NAIP: variants seen among roughly 807,000 people sequenced by gnomAD.
NAIP encodes the protein baculoviral IAP repeat-containing protein 1.
NAIP carries 15 observed loss-of-function variants against 23.0 expected under a neutral mutation model. That is an observed-to-expected ratio of 0.65 (90% CI 0.44 to 1.00). The LOEUF (loss-of-function observed/expected upper bound fraction) is 1.00, where lower values mean the gene tolerates loss of function less well. NAIP is among the 50% of genes least tolerant of loss of function. The pLI, the probability that NAIP is intolerant of heterozygous loss-of-function variation, is 0.00. For missense variants in NAIP, 265 were observed against 278.8 expected (o/e 0.95, Z 0.35); for synonymous variants, 100 against 100.2 (o/e 1.00, Z 0.01).
At chr5:71,013,919 A>T (rs893756475) in intron 3 of NAIP, among the ~76,000 whole-genome samples, 6 of 151,486 alleles carry the variant, frequency 4.0e-5, no homozygotes, top group African/African-American at 1.5e-4. Flanking sequence ...CATGTAAATT[A>T]GCTCCCCATT....
At chr5:70,979,584 A>AAAAATAAT (rs1331000647) in intron 13 of NAIP, among the ~76,000 whole-genome samples, 1 of 42,824 alleles carries the variant, frequency 2.3e-5, no homozygotes, top group African/African-American at 1.1e-4. Flanking sequence ...AAAAAAAAAA[A>AAAAATAAT]AATAATAATA....
intron 9 of NAIP, among the ~76,000 whole-genome samples, chr5:70,996,814 T>G (rs1157128786): frequency 8.9e-6 from 1 of 111,936 alleles, no homozygotes; most frequent in African/African-American, 3.2e-5. Context: ...AAAAAAAAAA[T>G]TAAGCAGATG....
intron 5 of NAIP, among the ~76,000 whole-genome samples, chr5:71,009,642 A>T (rs1293040279): frequency 6.6e-6 from 1 of 151,554 alleles, no homozygotes; most frequent in Non-Finnish European, 1.5e-5. Flanking sequence ...GTGAGCCAAG[A>T]TCGTACCACT....
Position 71,011,360 on chromosome 5 carries a change from C to T in NAIP, c.583G>A (p.Val195Ile). Residue 195 changes from valine to isoleucine, a missense_variant, in exon 5 of 17, where the codon GTA becomes ATA. By Grantham distance (29) the Val-to-Ile change is conservative. Transcript: ENST00000517649. Reference sequence around the variant, plus strand: ...CATCCACCACAGGAAAAACACTGTACCGTGTCCTGTTTACCTATATATGAA... The same window carrying T: ...CATCCACCACAGGAAAAACACTGTATCGTGTCCTGTTTACCTATATATGAA... Reference protein sequence around the residue: ...GFVFTGKQDTVQCFSCGGCLG... With the variant: ...GFVFTGKQDTIQCFSCGGCLG... 6.9e-6 allele frequency: 11 copies of T among 1,601,722 alleles called. 2 individuals carry two copies. Among genetic ancestry groups the T allele is most frequent in the Non-Finnish European group, 8.5e-6 (10 of 1,173,292 alleles).
intron 3 of NAIP, among the ~76,000 whole-genome samples, chr5:71,014,462 C>T (rs1751341624): frequency 6.6e-6 from 1 of 151,564 alleles, no homozygotes; most frequent in African/African-American, 2.4e-5. Context: ...CAAGTAATTT[C>T]TAAGAATTTT....
chr5:71,014,910 CA>C (rs576226671), intron 3 of NAIP, among the ~76,000 whole-genome samples: 2 of 150,862 alleles, frequency 1.3e-5, no homozygotes, highest in East Asian at 3.9e-4. Flanking sequence ...CTCAAACAAA[CA>C]AAAAAAAGAT....
At chr5:70,979,737 T>G in intron 13 of NAIP, 132 bp downstream of exon 13, 1 of 138,112 alleles carries the variant, frequency 7.2e-6, no homozygotes, top group Non-Finnish European at 1.4e-5. Flanking sequence ...GAAAGAGTGC[T>G]ATTCCTCACA....
chr5:71,015,606 C>CAA (rs1305859592), intron 3 of NAIP, among the ~76,000 whole-genome samples: 1 of 89,958 alleles, frequency 1.1e-5, no homozygotes, highest in Non-Finnish European at 2.4e-5. Context: ...ACTAAAAATA[C>CAA]AAAAAAAAAA....
chr5:70,970,682 G>T (rs2112855406), intron 16 of NAIP, among the ~76,000 whole-genome samples: 1 of 7,622 alleles, frequency 1.3e-4, no homozygotes, highest in Non-Finnish European at 2.6e-4. Context: ...TTTTTTTTGA[G>T]ATGGAGTCTC....
Position 71,011,336 on chromosome 5 carries a change from A to T in NAIP, c.607T>A (p.Cys203Ser), listed in dbSNP as rs754713428. 2 of 1,606,572 alleles carry T rather than the reference A, an allele frequency of 1.2e-6. No homozygotes were observed. The highest frequency in any genetic ancestry group is 1.7e-6 in the Non-Finnish European group (2 of 1,175,878). The stretch of plus-strand genomic sequence containing the variant: ...TCTCCTTCTTCCCAATTTCCTAAAC[A>T]TCCACCACAGGAAAAACACTGTACC... Reference protein sequence around the residue: ...DTVQCFSCGGCLGNWEEGDDP... With the variant: ...DTVQCFSCGGSLGNWEEGDDP... The change falls in exon 5 of 17, where the codon TGT becomes AGT. Residue 203 changes from cysteine to serine, a missense_variant. Physicochemically the swap from Cys to Ser is moderately radical, Grantham distance 112 (BLOSUM62 -1). This residue lies in a region of NAIP where 261 missense variants were observed against 259.2 expected (regional missense o/e 1.01). Transcript: ENST00000517649.
At chr5:71,017,846 CTTT>C (rs1173570781) in intron 3 of NAIP, among the ~76,000 whole-genome samples, 2 of 91,586 alleles carry the variant, frequency 2.2e-5, no homozygotes. Context: ...CAGCCCTTTC[CTTT>C]TTTTTTTTTT....
At chr5:71,015,249 CA>C (rs2112938096) in intron 3 of NAIP, among the ~76,000 whole-genome samples, 1 of 151,406 alleles carries the variant, frequency 6.6e-6, no homozygotes, top group South Asian at 2.1e-4. Context: ...TGTGTTGGCA[CA>C]TGCCTGTAGT....
rs776507670 is a variant in NAIP, at chr5:71,012,938, A to G, written c.-3-20T>C. The G allele has an allele frequency of 1.5e-5, 23 of 1,542,980 alleles. No individual in the cohort carries two copies. The highest frequency in any genetic ancestry group is 1.7e-4 in the Middle Eastern group (1 of 5,740). ...CATTTTCTGAAAAGGAAAATAAAGCAGGTTGATCCCTTATAGTAAGATTTT... is the reference window on the plus strand; with the variant it reads ...CATTTTCTGAAAAGGAAAATAAAGCGGGTTGATCCCTTATAGTAAGATTTT... On this transcript the variant is annotated intron_variant, in intron 3 of 16. Coordinates refer to ENST00000517649, the MANE Select transcript of NAIP (RefSeq NM_004536.3).
At chr5:71,002,381 A>C (rs1750830707) in intron 6 of NAIP, among the ~76,000 whole-genome samples, 1 of 52,094 alleles carries the variant, frequency 1.9e-5, no homozygotes, top group Non-Finnish European at 3.5e-5. Context: ...TTTAGTAGAG[A>C]CAGACACGAT....
At chr5:71,002,388 C>T (rs1410077064) in intron 6 of NAIP, among the ~76,000 whole-genome samples, 1 of 48,152 alleles carries the variant, frequency 2.1e-5, no homozygotes, top group Admixed American at 2.8e-4. Flanking sequence ...GAGACAGACA[C>T]GATGTTGGAG....
intron 3 of NAIP, among the ~76,000 whole-genome samples, chr5:71,014,655 C>A (rs1751350370): frequency 6.6e-6 from 1 of 151,610 alleles, no homozygotes; most frequent in Non-Finnish European, 1.5e-5. Flanking sequence ...GTAATCCCAG[C>A]ACTTTGGGAG....
chr5:71,013,173 C>G (rs1262982190), intron 3 of NAIP, among the ~76,000 whole-genome samples: 1 of 151,438 alleles, frequency 6.6e-6, no homozygotes, highest in South Asian at 2.1e-4. Context: ...ACCCATCTGC[C>G]TCCATTCATG....
intron 3 of NAIP, among the ~76,000 whole-genome samples, chr5:71,016,617 C>CA (rs1279377979): frequency 4.2e-5 from 6 of 141,290 alleles, no homozygotes; most frequent in East Asian, 2.1e-4. Flanking sequence ...AAAAGAACAA[C>CA]AAAAAAAGGA....
At chr5:71,013,718 C>T (rs147923997) in intron 3 of NAIP, among the ~76,000 whole-genome samples, 3 of 150,974 alleles carry the variant, frequency 2.0e-5, no homozygotes, top group African/African-American at 2.4e-5. Context: ...CCAGAAGCCT[C>T]GGGTAACTTT....
Sources: allele counts gnomAD v4.1 joint callset (sites outside exome capture counted in the v4.1 genomes callset), GRCh38; gene constraint gnomAD v4.1.1; regional missense constraint gnomAD v4.1.1; transcripts MANE v1.5; gene names NCBI Gene and HGNC (gene_info 2026-07-23, HGNC 2026-07-21).